The following ZNF654 variants were observed in gnomAD, a reference collection of about 807,000 sequenced individuals.
The protein encoded by ZNF654 is melanoma-associated antigen.
In ZNF654, 19 loss-of-function variants were observed where a neutral mutation model predicts 95.3. The observed-to-expected ratio is 0.20, with a 90% CI of 0.14 to 0.29. The LOEUF (loss-of-function observed/expected upper bound fraction) is 0.29, where lower values mean the gene tolerates loss of function less well. ZNF654 is among the 10% of genes least tolerant of loss of function. The pLI is 1.00. For missense variants in ZNF654, 1,046 were observed against 1,341.0 expected, an observed-to-expected ratio of 0.78 and a Z score of 3.44; for synonymous variants, 413 against 457.9, an observed-to-expected ratio of 0.90 and a Z score of 1.25.
intron 2 of ZNF654, chr3:88,095,977 A>G: frequency 3.3e-6 from 1 of 299,076 alleles, no homozygotes; most frequent in Non-Finnish European, 6.2e-6. Flanking sequence ...CCCGTGTTGC[A>G]CTGTTCTACC....
At chr3:88,111,981 C>G (rs1311351286) in intron 2 of ZNF654, among the ~76,000 whole-genome samples, 2 of 151,904 alleles carry the variant, frequency 1.3e-5, no homozygotes, top group Non-Finnish European at 2.9e-5. Flanking sequence ...TTGCAGTTTT[C>G]TACTAGGTTA....
chr3:88,067,822 G>C (rs933677953), intron 1 of ZNF654, among the ~76,000 whole-genome samples: 1 of 152,076 alleles, frequency 6.6e-6, no homozygotes, highest in African/African-American at 2.4e-5. Context: ...ACCTATAAAG[G>C]AGAAGGAAAG....
At chr3:88,097,677 C>A (rs1270310261) in intron 2 of ZNF654, among the ~76,000 whole-genome samples, 1 of 143,086 alleles carries the variant, frequency 7.0e-6, no homozygotes, top group Non-Finnish European at 1.5e-5. Context: ...GATTAAGAAA[C>A]TCACTCAAAA....
Position 88,109,142 on chromosome 3 carries a change from A to AGTGTGTGTGTGTGT in ZNF654, c.333-3948_333-3935dup, listed in dbSNP as rs35595112. On this transcript the variant is annotated intron_variant, in intron 2 of 8. Transcript: ENST00000636215. Reference sequence around the variant, plus strand: ...TATCCCCTGTGGATAAGTGGGCACTAGTGTGTGTGTGTGTGTGTGTGTGTG... The same window carrying AGTGTGTGTGTGTGT: ...TATCCCCTGTGGATAAGTGGGCACTAGTGTGTGTGTGTGTGTGTGTGTGTGTGTGTGTGTGTGTG... Among the ~76,000 whole-genome samples, 1,190 of 142,494 alleles carry AGTGTGTGTGTGTGT rather than the reference A, an allele frequency of 8.4e-3. 7 individuals are homozygous for AGTGTGTGTGTGTGT. Among genetic ancestry groups the AGTGTGTGTGTGTGT allele is most frequent in the Non-Finnish European group, 0.012 (799 of 65,298 alleles). 93.5% of individuals were successfully genotyped at this position (142,494 alleles called of 152,430 possible).
Position 88,138,893 on chromosome 3 carries a change from T to A in ZNF654, c.1224T>A (p.Tyr408Ter). ...TTCTGGAGCGCTCCTTAGAAGCGTA[T>A]CGTACTGTTGAAGAGCTTTACAAAC... Reference protein sequence around the residue: ...IFFLERSLEAYRTVEELYKRP... With the variant: ...IFFLERSLEA The change falls in exon 8 of 9, where the codon TAT becomes TAA. Residue 408 changes from tyrosine (Y) to a stop codon, truncating the protein, a stop_gained. Transcript: ENST00000636215. LOFTEE classifies it high-confidence loss of function. The A allele has an allele frequency of 8.1e-7, 1 of 1,233,210 alleles. No homozygotes were observed. Among genetic ancestry groups the A allele is most frequent in the Non-Finnish European group, 1.0e-6 (1 of 988,826 alleles). 76.4% of individuals were successfully genotyped at this position (1,233,210 alleles called of 1,614,324 possible).
At position 88,141,684 on chromosome 3, in the gene ZNF654, G is replaced by T. The variant is rs1707144049; in HGVS notation, c.*32G>T. 2.0e-6 allele frequency: 3 copies of T among 1,480,052 alleles called. No individual in the cohort carries two copies. In the South Asian group the frequency reaches 4.2e-5, roughly 21 times the overall value. 91.7% of individuals were successfully genotyped at this position (1,480,052 alleles called of 1,614,324 possible). A position where few individuals can be genotyped will look rare whatever the true frequency, so the allele number is the denominator to read the frequency against. On this transcript the variant is annotated 3_prime_UTR_variant, in exon 9 of 9. Coordinates refer to ENST00000636215, the MANE Select transcript of ZNF654 (RefSeq NM_001350134.2). ...CGGTTCAGAAAGATCTGTCAATCAA[G>T]CAGTAGTGTGAAAAAAGCACTATAA...
At chr3:88,134,289 G>A (rs555274554) in intron 6 of ZNF654, among the ~76,000 whole-genome samples, 2 of 151,990 alleles carry the variant, frequency 1.3e-5, no homozygotes, top group Admixed American at 1.3e-4. Flanking sequence ...TGTATGTGCT[G>A]AGTTCAAAGT....
chr3:88,083,637 G>C (rs1708192050), intron 1 of ZNF654, among the ~76,000 whole-genome samples: 1 of 152,158 alleles, frequency 6.6e-6, no homozygotes, highest in Non-Finnish European at 1.5e-5. Flanking sequence ...ATCCATAAAA[G>C]ATTGCTAGCC....
At chr3:88,103,168 T>TA (rs1704533372) in intron 2 of ZNF654, among the ~76,000 whole-genome samples, 1 of 151,884 alleles carries the variant, frequency 6.6e-6, no homozygotes, top group South Asian at 2.1e-4. Flanking sequence ...ACAGACACAT[T>TA]TTTTTTTAAA....
At chr3:88,134,691 A>G (rs1706667020) in intron 6 of ZNF654, among the ~76,000 whole-genome samples, 2 of 152,108 alleles carry the variant, frequency 1.3e-5, no homozygotes, top group Admixed American at 1.3e-4. Context: ...AGAGTCTACA[A>G]CATTGTTTTC....
At chr3:88,136,800 A>G (rs1706812665) in intron 7 of ZNF654, among the ~76,000 whole-genome samples, 1 of 152,176 alleles carries the variant, frequency 6.6e-6, no homozygotes, top group African/African-American at 2.4e-5. Flanking sequence ...TCCTGGAACC[A>G]TCAAAAGATT....
rs74455156 is a variant in ZNF654, at chr3:88,143,687, G to T, written c.*2035G>T. 0.06 allele frequency: 9,202 copies of T among 152,188 alleles called. 818 individuals are homozygous for T. The highest frequency in any genetic ancestry group is 0.19 in the African/African-American group (7,960 of 41,410). 9.4% of individuals were successfully genotyped at this position (152,188 alleles called of 1,614,324 possible). A position where few individuals can be genotyped will look rare whatever the true frequency, so the allele number is the denominator to read the frequency against. On this transcript the variant is annotated 3_prime_UTR_variant, in exon 9 of 9. Transcript: ENST00000636215. ...AAGATGTTTCAAATATATTCCATTT[G>T]TAATCTGTCTTTAACTTGAGGTTTA...
intron 4 of ZNF654, among the ~76,000 whole-genome samples, chr3:88,126,579 CTTTT>C (rs144091813): frequency 3.7e-4 from 30 of 81,774 alleles, no homozygotes; most frequent in East Asian, 1.2e-3. Flanking sequence ...GTAGAAACAT[CTTTT>C]TTTTTTTTTT....
At chr3:88,131,539 A>G (rs1489403801) in intron 6 of ZNF654, among the ~76,000 whole-genome samples, 1 of 152,138 alleles carries the variant, frequency 6.6e-6, no homozygotes, top group Admixed American at 6.5e-5. Context: ...AAACCCAGAA[A>G]AACACATTTT....
rs549823189 is a variant in ZNF654 at position 88,087,009 on chromosome 3, C to T, written c.332+607C>T. ...ATGTTAGCCAGGATGGTCTTGATCT[C>T]CTGACCTCGTGATCTGCCTACCTTG... On this transcript the variant is annotated intron_variant, in intron 2 of 8. Coordinates refer to ENST00000636215, the MANE Select transcript of ZNF654 (RefSeq NM_001350134.2). Among the ~76,000 whole-genome samples, 10 of 152,262 alleles carry T rather than the reference C, an allele frequency of 6.6e-5. No individual in the cohort carries two copies. In the East Asian group the frequency reaches 1.9e-3, roughly 29 times the overall value.
intron 2 of ZNF654, among the ~76,000 whole-genome samples, chr3:88,088,069 G>C (rs1576242266): frequency 1.3e-5 from 2 of 152,128 alleles, no homozygotes; most frequent in Admixed American, 6.6e-5. Context: ...TCAGATAAGG[G>C]ACACTCAACC....
At chr3:88,103,385 G>A (rs1205586900) in intron 2 of ZNF654, among the ~76,000 whole-genome samples, 1 of 152,146 alleles carries the variant, frequency 6.6e-6, no homozygotes, top group Non-Finnish European at 1.5e-5. Context: ...TAGACTTAAT[G>A]CAGCTAAAGA....
At chr3:88,082,065 C>T (rs570142082) in intron 1 of ZNF654, among the ~76,000 whole-genome samples, 150 of 152,168 alleles carry the variant, frequency 9.9e-4, no homozygotes, top group Admixed American at 3.5e-3. Context: ...GAGTGTATCA[C>T]AGCCATTCTT....
intron 2 of ZNF654, among the ~76,000 whole-genome samples, chr3:88,109,142 A>AGTGTGT (rs35595112): frequency 0.15 from 20,921 of 142,358 alleles, 1,663 homozygotes; most frequent in Non-Finnish European, 0.18. Context: ...AGTGGGCACT[A>AGTGTGT]GTGTGTGTGT....
Sources: allele counts gnomAD v4.1 joint callset (sites outside exome capture counted in the v4.1 genomes callset), GRCh38; gene constraint gnomAD v4.1.1; transcripts MANE v1.5; gene names NCBI Gene and HGNC (gene_info 2026-07-23, HGNC 2026-07-21).